TTLL5: variants seen among roughly 807,000 people sequenced by gnomAD.
TTLL5 encodes tubulin tyrosine ligase like 5, also known as tubulin polyglutamylase TTLL5.
Under a neutral mutation model 168.4 loss-of-function variants are expected in TTLL5, and 132 were observed. The ratio of observed to expected loss-of-function variants is 0.78; its 90% CI spans 0.68 to 0.91. The LOEUF is 0.91. Ranked by LOEUF, TTLL5 falls within the 40% of genes least tolerant of loss-of-function variation. The probability of loss-of-function intolerance (pLI) is 0.00; values close to 1 mark genes in which losing one functional copy is unlikely to be tolerated. For missense variants in TTLL5, 1,545 were observed against 1,581.5 expected, an observed-to-expected ratio of 0.98 and a Z score of 0.39; for synonymous variants, 546 against 558.6, an observed-to-expected ratio of 0.98 and a Z score of 0.32.
At chr14:75,778,600 G>C (rs887412363) in intron 23 of TTLL5, among the ~76,000 whole-genome samples, 1 of 152,184 alleles carries the variant, frequency 6.6e-6, no homozygotes, top group African/African-American at 2.4e-5. Context: ...GTTCTGGTTA[G>C]AGTGTGTTTT....
intron 31 of TTLL5, among the ~76,000 whole-genome samples, chr14:75,923,943 C>T (rs1339157608): frequency 6.6e-6 from 1 of 152,086 alleles, no homozygotes; most frequent in African/African-American, 2.4e-5. Context: ...TTGAATTGAT[C>T]CCTTTACCAT....
intron 12 of TTLL5, among the ~76,000 whole-genome samples, chr14:75,722,761 C>T (rs1255515712): frequency 6.6e-6 from 1 of 152,186 alleles, no homozygotes; most frequent in Non-Finnish European, 1.5e-5. Flanking sequence ...AGTGATCCTC[C>T]TGCCTTGGCT....
chr14:75,740,969 A>AT (rs1889227181), intron 15 of TTLL5, among the ~76,000 whole-genome samples: 1 of 152,030 alleles, frequency 6.6e-6, no homozygotes, highest in African/African-American at 2.4e-5. Flanking sequence ...ATATCTTGCC[A>AT]TTTTTCCCCA....
intron 28 of TTLL5, among the ~76,000 whole-genome samples, chr14:75,820,421 T>C (rs1241610880): frequency 6.6e-6 from 1 of 152,222 alleles, no homozygotes; most frequent in African/African-American, 2.4e-5. Flanking sequence ...ATTTACACTA[T>C]GTTTAAACCT....
intron 29 of TTLL5, among the ~76,000 whole-genome samples, chr14:75,881,129 GT>G (rs2031790490): frequency 6.6e-6 from 1 of 152,126 alleles, no homozygotes; most frequent in Non-Finnish European, 1.5e-5. Context: ...GCCCAGGCTG[GT>G]TTCGAACTCC....
chr14:75,719,978 G>T (rs1887738810), intron 11 of TTLL5, 152 bp downstream of exon 11: 1 of 808,738 alleles, frequency 1.2e-6, no homozygotes, highest in Non-Finnish European at 2.0e-6. Flanking sequence ...TGACAAGCTG[G>T]GGAACAGGTT....
At chr14:75,749,003 C>CTT (rs1889784664) in intron 17 of TTLL5, among the ~76,000 whole-genome samples, 1 of 152,064 alleles carries the variant, frequency 6.6e-6, no homozygotes. Context: ...AATTTGCCTG[C>CTT]TTGTTTTGAA....
intron 29 of TTLL5, among the ~76,000 whole-genome samples, chr14:75,868,898 C>A (rs1055493483): frequency 6.6e-6 from 1 of 152,084 alleles, no homozygotes; most frequent in Non-Finnish European, 1.5e-5. Context: ...CATGCTAGCT[C>A]CTCAGCGTGG....
chr14:75,918,988 G>C (rs1358349703), intron 31 of TTLL5, among the ~76,000 whole-genome samples: 2 of 151,772 alleles, frequency 1.3e-5, no homozygotes, highest in East Asian at 3.9e-4. Flanking sequence ...GGATCACGAG[G>C]TCAGGAGTTC....
At chr14:75,877,905 TG>T (rs1056394359) in intron 29 of TTLL5, among the ~76,000 whole-genome samples, 1 of 152,258 alleles carries the variant, frequency 6.6e-6, no homozygotes, top group Non-Finnish European at 1.5e-5. Context: ...TAACATTGTC[TG>T]AGTGTGTTCC....
chr14:75,861,760 C>CA (rs962486204), intron 28 of TTLL5, among the ~76,000 whole-genome samples: 2 of 152,092 alleles, frequency 1.3e-5, no homozygotes, highest in Admixed American at 1.3e-4. Context: ...AAGATGGTCC[C>CA]AAGAAGAATA....
At chr14:75,705,744 T>A (rs1014990950) in intron 7 of TTLL5, among the ~76,000 whole-genome samples, 1 of 152,248 alleles carries the variant, frequency 6.6e-6, no homozygotes, top group Non-Finnish European at 1.5e-5. Flanking sequence ...TTCTGTTGCC[T>A]TTACTGTAGC....
intron 12 of TTLL5, among the ~76,000 whole-genome samples, chr14:75,726,054 CT>C: frequency 6.6e-6 from 1 of 152,214 alleles, no homozygotes; most frequent in Non-Finnish European, 1.5e-5. Flanking sequence ...AATGTCAGCA[CT>C]TTCCATTGCC....
chr14:75,688,182 A>G (rs545397835), intron 5 of TTLL5, among the ~76,000 whole-genome samples: 36 of 152,304 alleles, frequency 2.4e-4, no homozygotes, highest in African/African-American at 8.4e-4. Context: ...AGAAAAGACC[A>G]AGGCATGATT....
intron 30 of TTLL5, among the ~76,000 whole-genome samples, chr14:75,901,629 T>C (rs1288371518): frequency 6.6e-6 from 1 of 152,202 alleles, no homozygotes; most frequent in Non-Finnish European, 1.5e-5. Context: ...CACCCCACAG[T>C]TGTGATAACC....
chr14:75,748,424 T>A (rs868220844), intron 17 of TTLL5, among the ~76,000 whole-genome samples: 1 of 152,232 alleles, frequency 6.6e-6, no homozygotes, highest in African/African-American at 2.4e-5. Flanking sequence ...TTGCTGTTAA[T>A]TTTTCTGTTC....
At chr14:75,929,894 G>A (rs531463244) in intron 31 of TTLL5, among the ~76,000 whole-genome samples, 18 of 152,198 alleles carry the variant, frequency 1.2e-4, no homozygotes, top group Non-Finnish European at 2.2e-4. Context: ...TCTGTCACAC[G>A]TCATGGTTAC....
chr14:75,757,706 C>T, intron 18 of TTLL5: 1 of 671,642 alleles, frequency 1.5e-6, no homozygotes, highest in Non-Finnish European at 2.3e-6. Context: ...GCAAAGATGC[C>T]CTCCTTGGCC....
chr14:75,825,581 T>C (rs911340666), intron 28 of TTLL5, among the ~76,000 whole-genome samples: 18 of 152,188 alleles, frequency 1.2e-4, no homozygotes, highest in Admixed American at 2.0e-4. Context: ...TGGAGCAGTT[T>C]GGAGCTTATA....
Sources: allele counts gnomAD v4.1 joint callset (sites outside exome capture counted in the v4.1 genomes callset), GRCh38; gene constraint gnomAD v4.1.1; transcripts MANE v1.5; gene names NCBI Gene and HGNC (gene_info 2026-07-23, HGNC 2026-07-21).